Variants in SHMT1 observed in about 807,000 individuals in gnomAD.
SHMT1 encodes serine hydroxymethyltransferase 1, also known as serine hydroxymethyltransferase, cytosolic.
A neutral mutation model predicts 49.0 loss-of-function variants in SHMT1; 45 were observed. That is an observed-to-expected ratio of 0.92 (90% CI 0.72 to 1.18). The LOEUF (loss-of-function observed/expected upper bound fraction) is 1.18, where lower values mean the gene tolerates loss of function less well. SHMT1 is among the 50% of genes most tolerant of loss of function. SHMT1 has a pLI of 0.00. For synonymous variants in SHMT1, 232 were observed against 246.6 expected (o/e 0.94, Z 0.55); for missense variants, 541 against 612.4 (o/e 0.88, Z 1.23).
chr17:18,328,691 G>T lies in SHMT1; in HGVS notation c.*59C>A, dbSNP rs1982817364. 1.3e-6 allele frequency: 2 copies of T among 1,537,614 alleles called. No individual in the cohort carries two copies. The highest frequency in any genetic ancestry group is 1.2e-5 in the South Asian group (1 of 83,878). ...CAGCTCATCCATCTCTCAGGTGGGG[G>T]TCCTCCGGCAGGCAGCTTCCTCTGT... is the stretch of plus-strand genomic sequence containing the variant. On this transcript the variant is annotated 3_prime_UTR_variant, in exon 12 of 12. Transcript: ENST00000316694.
chr17:18,345,508 C>T (rs960369611), intron 5 of SHMT1, among the ~76,000 whole-genome samples: 2 of 151,818 alleles, frequency 1.3e-5, no homozygotes, highest in East Asian at 1.9e-4. Context: ...CCGCCCACTT[C>T]GACCTCCCAA....
intron 2 of SHMT1, 115 bp from the exon 3 acceptor site, chr17:18,353,932 A>C: frequency 1.1e-6 from 1 of 935,696 alleles, no homozygotes; most frequent in East Asian, 2.4e-5. Flanking sequence ...ATGGAATAGA[A>C]TGAATCCTCC....
Position 18,333,236 on chromosome 17 carries a change from T to C in SHMT1, c.984A>G (p.Gln328=). ...QAMTLEFKVY[Q]HQVVANCRAL... ...CCCTGCAGTTGGCCACCACCTGGTG[T>C]TGATAAACTTTAAATTCCAGAGTCA... is the stretch of plus-strand genomic sequence containing the variant. Residue 328 remains glutamine, a synonymous_variant, in exon 9 of 12, where the codon CAA becomes CAG. Transcript: ENST00000316694. 6.2e-7 allele frequency: 1 copy of C among 1,613,782 alleles called. No individual in the cohort carries two copies. The highest frequency in any genetic ancestry group is 8.5e-7 in the Non-Finnish European group (1 of 1,179,928).
chr17:18,333,363 G>T, intron 8 of SHMT1, 75 bp from the exon 9 acceptor site: 1 of 1,468,300 alleles, frequency 6.8e-7, no homozygotes. Context: ...CAACATTCCT[G>T]TTTTTACTCA....
intron 7 of SHMT1, among the ~76,000 whole-genome samples, chr17:18,339,049 TAAAAAAA>T (rs34704448): frequency 3.7e-5 from 1 of 26,852 alleles, no homozygotes; most frequent in African/African-American, 1.8e-4. Context: ...CAATAAATAC[TAAAAAAA>T]AAAAAAAAAA....
chr17:18,338,855 A>T (rs945327520), intron 7 of SHMT1, among the ~76,000 whole-genome samples: 11 of 152,040 alleles, frequency 7.2e-5, no homozygotes, highest in Non-Finnish European at 1.6e-4. Flanking sequence ...CGGCATGCTC[A>T]TTAAGAGTCA....
Position 18,344,577 on chromosome 17 carries a change from G to GAAAAAAAAAAAAAAAA in SHMT1, c.519+2903_519+2918dup, listed in dbSNP as rs10655994. On this transcript the variant is annotated intron_variant, in intron 5 of 11. Coordinates refer to ENST00000316694, the MANE Select transcript of SHMT1 (RefSeq NM_004169.5). ...ATTTTTTGTGTAGCCACAATTACCG[G>GAAAAAAAAAAAAAAAA]AAAAAAAAAAAAAAAAAAAAAAGCC... Among the ~76,000 whole-genome samples the GAAAAAAAAAAAAAAAA allele has an allele frequency of 7.6e-5, 5 of 65,384 alleles. 2 individuals are homozygous for GAAAAAAAAAAAAAAAA. Among genetic ancestry groups the GAAAAAAAAAAAAAAAA allele is most frequent in the African/African-American group, 1.8e-4 (3 of 16,758 alleles). 42.9% of individuals were successfully genotyped at this position (65,384 alleles called of 152,430 possible). A position where few individuals can be genotyped will look rare whatever the true frequency, so the allele number is the denominator to read the frequency against.
intron 5 of SHMT1, among the ~76,000 whole-genome samples, chr17:18,343,524 C>T (rs761281821): frequency 6.8e-6 from 1 of 146,348 alleles, no homozygotes; most frequent in Non-Finnish European, 1.5e-5. Context: ...AGGAGAATCG[C>T]TTAAACCCGG....
intron 5 of SHMT1, 69 bp downstream of exon 5, chr17:18,347,427 C>G: frequency 6.4e-7 from 1 of 1,562,548 alleles, no homozygotes; most frequent in South Asian, 1.1e-5. Context: ...CAAACTTACC[C>G]CTGCAGGCAC....
rs1567791140 is a variant in SHMT1, at chr17:18,353,656, G to GA, written c.242+15dup. ...ATGACTGTGTCAGAACCAGGCCTTT[G>GA]AAGATATTCACATACCTCTGGCCCG... On this transcript the variant is annotated intron_variant, in intron 3 of 11. Transcript: ENST00000316694. 1 of 1,613,620 alleles carries GA rather than the reference G, an allele frequency of 6.2e-7. No individual in the cohort carries two copies. The highest frequency in any genetic ancestry group is 1.1e-5 in the South Asian group (1 of 91,048).
In SHMT1 at chr17:18,328,363, T is replaced by A; in HGVS notation, c.*387A>T. 3.4e-6 allele frequency: 1 copy of A among 291,500 alleles called. No homozygotes were observed. Among genetic ancestry groups the A allele is most frequent in the South Asian group, 3.3e-5 (1 of 30,462 alleles). The allele number at this position is 291,500 out of a possible 1,614,324, so 18.1% of individuals were successfully genotyped here. A position where few individuals can be genotyped will look rare whatever the true frequency, so the allele number is the denominator to read the frequency against. ...TGTGTACAAGCTGTGGACATGGGCA[T>A]TTCCTCTCTGTTGCAGCAAGGCGGA... is the stretch of plus-strand genomic sequence containing the variant. On this transcript the variant is annotated 3_prime_UTR_variant, in exon 12 of 12. Coordinates refer to ENST00000316694, the MANE Select transcript of SHMT1 (RefSeq NM_004169.5).
At chr17:18,337,924 A>G (rs1598026381) in intron 7 of SHMT1, among the ~76,000 whole-genome samples, 1 of 151,276 alleles carries the variant, frequency 6.6e-6, no homozygotes, top group South Asian at 2.1e-4. Context: ...GCTCGCTACA[A>G]CCTCCACCTC....
intron 9 of SHMT1, 94 bp from the exon 10 acceptor site, chr17:18,330,765 C>A: frequency 1.2e-6 from 1 of 856,978 alleles, no homozygotes; most frequent in Non-Finnish European, 2.0e-6. Context: ...GCAGTCAAAG[C>A]AGATGAGGTC....
At chr17:18,337,080 CATCT>C (rs34314562) in intron 7 of SHMT1, among the ~76,000 whole-genome samples, 46,086 of 151,860 alleles carry the variant, frequency 0.3, 7,256 homozygotes, top group African/African-American at 0.34. Flanking sequence ...TAATCGGTAA[CATCT>C]ATCTAGAGCT....
chr17:18,348,595 T>A, intron 3 of SHMT1, 155 bp from the exon 4 acceptor site: 1 of 740,770 alleles, frequency 1.3e-6, no homozygotes, highest in Non-Finnish European at 2.5e-6. Flanking sequence ...GCCAGCATGA[T>A]CAAGTGTTCC....
In SHMT1 at chr17:18,328,643, G is replaced by A; in HGVS notation, c.*107C>T. On this transcript the variant is annotated 3_prime_UTR_variant, in exon 12 of 12. Coordinates refer to ENST00000316694, the MANE Select transcript of SHMT1 (RefSeq NM_004169.5). ...AAAGAAACCCCCTCAAAGGGCCCGA[G>A]TGTCAACAGTTCCCCTTTGGAGCAG... The A allele has an allele frequency of 1.6e-6, 2 of 1,251,172 alleles. No individual in the cohort carries two copies. The highest frequency in any genetic ancestry group is 2.3e-6 in the Non-Finnish European group (2 of 888,388). The allele number at this position is 1,251,172 out of a possible 1,614,324, so 77.5% of individuals were successfully genotyped here. A position where few individuals can be genotyped will look rare whatever the true frequency, so the allele number is the denominator to read the frequency against.
intron 5 of SHMT1, among the ~76,000 whole-genome samples, chr17:18,343,093 TAATA>T (rs1984696834): frequency 6.6e-6 from 1 of 151,888 alleles, no homozygotes; most frequent in Non-Finnish European, 1.5e-5. Context: ...GGAAGAAAAA[TAATA>T]AATATTTAAG....
At chr17:18,341,843 C>T (rs557540300) in intron 5 of SHMT1, among the ~76,000 whole-genome samples, 2 of 152,214 alleles carry the variant, frequency 1.3e-5, no homozygotes, top group African/African-American at 4.8e-5. Flanking sequence ...AAGGGCAGAG[C>T]ATCTGGCTTA....
At chr17:18,348,921 G>GT (rs1985392537) in intron 3 of SHMT1, among the ~76,000 whole-genome samples, 2 of 150,922 alleles carry the variant, frequency 1.3e-5, no homozygotes, top group African/African-American at 4.9e-5. Flanking sequence ...AAAGGCTGCA[G>GT]TGAGCTGTGA....
Sources: allele counts gnomAD v4.1 joint callset (sites outside exome capture counted in the v4.1 genomes callset), GRCh38; gene constraint gnomAD v4.1.1; transcripts MANE v1.5; gene names NCBI Gene and HGNC (gene_info 2026-07-23, HGNC 2026-07-21).